CCL18: variants seen among roughly 807,000 people sequenced by gnomAD.
CCL18 encodes the protein C-C motif chemokine 18.
A neutral mutation model predicts 8.0 loss-of-function variants in CCL18; 7 were observed. The observed-to-expected ratio is 0.87, with a 90% confidence interval of 0.50 to 1.64. The LOEUF is 1.64. Among genes scored for constraint, CCL18 ranks in the 40% most tolerant of loss-of-function variants. The pLI is 0.00. For synonymous variants in CCL18, 35 were observed against 41.3 expected (o/e 0.85, Z 0.59); for missense variants, 95 against 107.8 (o/e 0.88, Z 0.52).
At chr17:36,065,961 G>A (rs908467875) in intron 1 of CCL18, among the ~76,000 whole-genome samples, 1 of 152,150 alleles carries the variant, frequency 6.6e-6, no homozygotes, top group East Asian at 1.9e-4. Flanking sequence ...TAGGAGTAGA[G>A]CTTCTCAGGA....
rs558031922 is a variant in CCL18, at chr17:36,064,348, G to C, written c.6G>C (p.Lys2Asn). The change falls in exon 1 of 3, where the codon AAG becomes AAC. Residue 2 changes from lysine to asparagine, a missense_variant. Coordinates refer to ENST00000616054, the MANE Select transcript of CCL18 (RefSeq NM_002988.4). M[K>N]GLAAALLVLV... ...TTCTCTGCCTGCCCAGCATCATGAA[G>C]GGCCTTGCAGCTGCCCTCCTTGTCC... The C allele has an allele frequency of 2.5e-6, 4 of 1,613,926 alleles. No homozygotes were observed.
chr17:36,071,020 C>G lies in CCL18; in HGVS notation c.249C>G (p.Ser83Arg), dbSNP rs770237802. 3 of 1,613,328 alleles carry G rather than the reference C, an allele frequency of 1.9e-6. No individual in the cohort carries two copies. Among genetic ancestry groups the G allele is most frequent in the Middle Eastern group, 3.3e-4 (2 of 6,062 alleles). Reference sequence around the variant, plus strand: ...AGAAGTGGGTCCAGAAATACATCAGCGACCTGAAGCTGAATGCCTGAGGGG... The same window carrying G: ...AGAAGTGGGTCCAGAAATACATCAGGGACCTGAAGCTGAATGCCTGAGGGG... Reference protein sequence around the residue: ...PNKKWVQKYISDLKLNA With the variant: ...PNKKWVQKYIRDLKLNA Residue 83 changes from serine (S) to arginine (R), a missense_variant, in exon 3 of 3, where the codon AGC (serine) becomes AGG (arginine). Transcript: ENST00000616054.
rs117213703 is a variant in CCL18, at chr17:36,067,168, T to A, written c.67+2759T>A. ...ATGGGGCCAGGCTTTTAACTGCTGT[T>A]TGATTCATTGAACATTCATAGCTCC... On this transcript the variant is annotated intron_variant, in intron 1 of 2. Coordinates refer to ENST00000616054, the MANE Select transcript of CCL18 (RefSeq NM_002988.4). Among the ~76,000 whole-genome samples, 1,211 of 152,276 alleles carry A rather than the reference T, an allele frequency of 8.0e-3. 18 individuals are homozygous for A. Among genetic ancestry groups the A allele is most frequent in the Admixed American group, 0.046 (703 of 15,292 alleles).
chr17:36,065,262 A>G (rs566604770), intron 1 of CCL18, among the ~76,000 whole-genome samples: 28 of 152,292 alleles, frequency 1.8e-4, no homozygotes, highest in African/African-American at 6.5e-4. Context: ...ATTCTTCTGC[A>G]TCTCTGAGCT....
chr17:36,066,888 G>A (rs914022995), intron 1 of CCL18, among the ~76,000 whole-genome samples: 5 of 152,200 alleles, frequency 3.3e-5, no homozygotes, highest in Non-Finnish European at 4.4e-5. Context: ...AACTCATGAG[G>A]AGGACGTCAA....
At chr17:36,065,420 TCC>T (rs1351050235) in intron 1 of CCL18, among the ~76,000 whole-genome samples, 1 of 152,172 alleles carries the variant, frequency 6.6e-6, no homozygotes, top group African/African-American at 2.4e-5. Flanking sequence ...GATATGAAAG[TCC>T]ATAGTAGCTC....
intron 1 of CCL18, among the ~76,000 whole-genome samples, chr17:36,066,978 A>G (rs1355758132): frequency 6.6e-6 from 1 of 152,242 alleles, no homozygotes; most frequent in East Asian, 1.9e-4. Context: ...CACCATGGTC[A>G]TTTCCTCCTA....
rs767827152 is a variant in CCL18 at position 36,064,376 on chromosome 17, G to A, written c.34G>A (p.Val12Ile). 41 of 1,614,006 alleles carry A rather than the reference G, an allele frequency of 2.5e-5. No homozygotes were observed. The highest frequency in any genetic ancestry group is 1.2e-4 in the Admixed American group (7 of 60,008). Residue 12 changes from valine (V) to isoleucine (I), a missense_variant, in exon 1 of 3, where the codon GTC (valine) becomes ATC (isoleucine). Transcript: ENST00000616054. ...KGLAAALLVLVCTMALCSCAQ... is the reference protein window; with the variant it reads ...KGLAAALLVLICTMALCSCAQ... ...CCTTGCAGCTGCCCTCCTTGTCCTC[G>A]TCTGCACCATGGCCCTCTGCTCCTG...
chr17:36,071,415 C>T lies in CCL18; in HGVS notation c.*374C>T, dbSNP rs1426866129. The T allele has an allele frequency of 5.4e-6, 1 of 186,640 alleles. No individual in the cohort carries two copies. Among genetic ancestry groups the T allele is most frequent in the African/African-American group, 2.4e-5 (1 of 42,390 alleles). The allele number at this position is 186,640 out of a possible 1,614,324, so 11.6% of individuals were successfully genotyped here. Reference sequence around the variant, plus strand: ...CAAATCTTTATTGAATGGTTTTGCTCAGCACCACCTTTTAATATATTGGCA... The same window carrying T: ...CAAATCTTTATTGAATGGTTTTGCTTAGCACCACCTTTTAATATATTGGCA... On this transcript the variant is annotated 3_prime_UTR_variant, in exon 3 of 3. Coordinates refer to ENST00000616054, the MANE Select transcript of CCL18 (RefSeq NM_002988.4).
chr17:36,070,258 A>G, intron 1 of CCL18, 189 bp from the exon 2 acceptor site: 1 of 538,398 alleles, frequency 1.9e-6, no homozygotes, highest in Non-Finnish European at 3.3e-6. Context: ...CACCAAGAGA[A>G]AGATGCAGAA....
intron 1 of CCL18, among the ~76,000 whole-genome samples, chr17:36,065,894 C>A (rs2066834483): frequency 2.0e-5 from 3 of 152,202 alleles, no homozygotes; most frequent in African/African-American, 4.8e-5. Context: ...TGGGTAGGAA[C>A]TTCATTCAGT....
chr17:36,066,875 C>G (rs1254021207), intron 1 of CCL18, among the ~76,000 whole-genome samples: 1 of 152,318 alleles, frequency 6.6e-6, no homozygotes, highest in East Asian at 1.9e-4. Context: ...CTAAGAAATG[C>G]TTAACTCATG....
intron 1 of CCL18, among the ~76,000 whole-genome samples, chr17:36,067,242 T>C (rs966270187): frequency 1.3e-5 from 2 of 152,202 alleles, no homozygotes; most frequent in African/African-American, 4.8e-5. Flanking sequence ...GACATGAATA[T>C]GCATGACATA....
rs1252664303 is a variant in CCL18 at position 36,071,480 on chromosome 17, G to T, written c.*439G>T. On this transcript the variant is annotated 3_prime_UTR_variant, in exon 3 of 3. Coordinates refer to ENST00000616054, the MANE Select transcript of CCL18 (RefSeq NM_002988.4). ...AAAGGTAAACCAGCATTCTCACTGTGACGACTCTGTTGATTTTGTTTCACT... is the reference window on the plus strand; with the variant it reads ...AAAGGTAAACCAGCATTCTCACTGTTACGACTCTGTTGATTTTGTTTCACT... The T allele has an allele frequency of 6.4e-6, 1 of 155,850 alleles. No homozygotes were observed. The highest frequency in any genetic ancestry group is 2.4e-5 in the African/African-American group (1 of 41,496). 9.7% of individuals were successfully genotyped at this position (155,850 alleles called of 1,614,324 possible). A position where few individuals can be genotyped will look rare whatever the true frequency, so the allele number is the denominator to read the frequency against.
chr17:36,066,575 G>C (rs944411837), intron 1 of CCL18, among the ~76,000 whole-genome samples: 1 of 152,228 alleles, frequency 6.6e-6, no homozygotes, highest in Non-Finnish European at 1.5e-5. Context: ...TCCCCCAGGG[G>C]TTCAGGATGT....
At chr17:36,067,050 C>T (rs1434751531) in intron 1 of CCL18, among the ~76,000 whole-genome samples, 1 of 152,146 alleles carries the variant, frequency 6.6e-6, no homozygotes, top group Non-Finnish European at 1.5e-5. Context: ...AGATGATACC[C>T]CAGAATCTTA....
rs552177949 is a variant in CCL18, at chr17:36,067,340, A to G, written c.67+2931A>G. ...GCTAGGAAAATATCCTACAGAAATA[A>G]CCTCACTTATGGAGAAAGTTTTTTG... On this transcript the variant is annotated intron_variant, in intron 1 of 2. Coordinates refer to ENST00000616054, the MANE Select transcript of CCL18 (RefSeq NM_002988.4). Among the ~76,000 whole-genome samples the G allele has an allele frequency of 7.9e-5, 12 of 152,228 alleles. No individual in the cohort carries two copies. In the South Asian group the frequency reaches 1.9e-3, roughly 24 times the overall value.
intron 1 of CCL18, among the ~76,000 whole-genome samples, chr17:36,067,418 G>T (rs1037255954): frequency 6.6e-6 from 1 of 152,148 alleles, no homozygotes; most frequent in Non-Finnish European, 1.5e-5. Flanking sequence ...CAGGTGCAGT[G>T]GCTTACACCT....
At chr17:36,067,158 T>A (rs2066841860) in intron 1 of CCL18, among the ~76,000 whole-genome samples, 1 of 152,208 alleles carries the variant, frequency 6.6e-6, no homozygotes, top group Non-Finnish European at 1.5e-5. Context: ...GCCAGGCTTT[T>A]AACTGCTGTT....
Sources: gnomAD v4.1 joint callset for allele counts (sites outside exome capture counted in the v4.1 genomes callset) on GRCh38, gnomAD v4.1.1 for gene constraint, MANE v1.5 for transcripts, NCBI Gene and HGNC (gene_info 2026-07-23, HGNC 2026-07-21) for gene names.